DNAH8: variants seen among roughly 807,000 people sequenced by gnomAD.
DNAH8 encodes axonemal beta dynein heavy chain 8.
Under a neutral mutation model 562.1 loss-of-function variants are expected in DNAH8, and 382 were observed. The observed-to-expected ratio is 0.68, with a 90% CI of 0.63 to 0.74. The LOEUF (loss-of-function observed/expected upper bound fraction) is 0.74, where lower values mean the gene tolerates loss of function less well. Among genes scored for constraint, DNAH8 ranks in the 30% least tolerant of loss-of-function variants. The probability of loss-of-function intolerance (pLI) is 0.00; values close to 1 mark genes in which losing one functional copy is unlikely to be tolerated. For missense variants in DNAH8, 5,203 were observed against 5,620.4 expected, an observed-to-expected ratio of 0.93 and a Z score of 2.37; for synonymous variants, 1,881 against 1,919.4, an observed-to-expected ratio of 0.98 and a Z score of 0.52.
intron 58 of DNAH8, among the ~76,000 whole-genome samples, chr6:38,891,805 T>C (rs1779357876): frequency 6.6e-6 from 1 of 152,258 alleles, no homozygotes. Context: ...CTTGCAGCTG[T>C]CTTCCATCAG....
At chr6:38,798,824 C>T (rs1346496702) in intron 21 of DNAH8, among the ~76,000 whole-genome samples, 7 of 152,128 alleles carry the variant, frequency 4.6e-5, no homozygotes, top group Non-Finnish European at 1.0e-4. Context: ...GGGTGAGATA[C>T]CGCAGGAGTC....
chr6:38,881,560 T>TTC (rs1230327628), intron 53 of DNAH8, among the ~76,000 whole-genome samples: 4 of 151,472 alleles, frequency 2.6e-5, no homozygotes, highest in Non-Finnish European at 5.9e-5. Flanking sequence ...TTTTTTTTTT[T>TTC]TTTTTTTGAG....
intron 79 of DNAH8, among the ~76,000 whole-genome samples, chr6:38,940,027 G>A (rs1384134691): frequency 1.3e-5 from 2 of 152,224 alleles, no homozygotes; most frequent in African/African-American, 4.8e-5. Flanking sequence ...GTGACATACT[G>A]TGGAGAGCCT....
At chr6:38,994,218 A>G (rs1764983006) in intron 88 of DNAH8, among the ~76,000 whole-genome samples, 2 of 152,052 alleles carry the variant, frequency 1.3e-5, no homozygotes, top group Admixed American at 6.6e-5. Context: ...TTCCTTTCCA[A>G]TGGAGTTTTT....
intron 85 of DNAH8, among the ~76,000 whole-genome samples, chr6:38,976,069 C>T (rs527687009): frequency 2.7e-4 from 41 of 152,284 alleles, no homozygotes; most frequent in African/African-American, 8.9e-4. Flanking sequence ...ACTGCTAGGG[C>T]GGTGAAGTTA....
chr6:38,726,948 C>T (rs1227820768), intron 3 of DNAH8, among the ~76,000 whole-genome samples: 1 of 151,088 alleles, frequency 6.6e-6, no homozygotes, highest in Non-Finnish European at 1.5e-5. Context: ...ATCTCCACCT[C>T]CCAGGCTCAA....
At chr6:38,785,755 T>C (rs530953588) in intron 17 of DNAH8, among the ~76,000 whole-genome samples, 2 of 152,254 alleles carry the variant, frequency 1.3e-5, no homozygotes, top group South Asian at 2.1e-4. Context: ...TTAGGATAAG[T>C]GATTTCTAAT....
At chr6:38,723,585 A>G in intron 3 of DNAH8, 114 bp downstream of exon 3, 1 of 1,360,720 alleles carries the variant, frequency 7.3e-7, no homozygotes, top group South Asian at 1.4e-5. Context: ...TCAGAAAGAC[A>G]AAGTTGGGGC....
chr6:38,830,980 GAAAT>G (rs1773786223), intron 30 of DNAH8, among the ~76,000 whole-genome samples: 2 of 152,224 alleles, frequency 1.3e-5, no homozygotes, highest in South Asian at 4.1e-4. Context: ...TTTTTTGAAA[GAAAT>G]AAACTCATGT....
rs528408169 is a variant in DNAH8 at position 38,871,127 on chromosome 6, T to G, written c.6990+565T>G. On this transcript the variant is annotated intron_variant, in intron 49 of 92. Coordinates refer to ENST00000327475, the MANE Select transcript of DNAH8 (RefSeq NM_001206927.2). ...TAGCAGAGACACAGGATTAAATCTC[T>G]ATGAGCTTGATGCTTTGGGAATATT... is the stretch of plus-strand genomic sequence containing the variant. Among the ~76,000 whole-genome samples the G allele has an allele frequency of 1.2e-3, 184 of 152,374 alleles. 1 individual carries two copies. The highest frequency in any genetic ancestry group is 4.1e-3 in the African/African-American group (172 of 41,600).
At chr6:38,803,695 A>G (rs1770997742) in intron 22 of DNAH8, among the ~76,000 whole-genome samples, 3 of 151,876 alleles carry the variant, frequency 2.0e-5, no homozygotes. Flanking sequence ...TAAACCAGGA[A>G]AAGGTAAATT....
At chr6:38,972,904 G>T (rs1763438819) in intron 83 of DNAH8, among the ~76,000 whole-genome samples, 1 of 152,046 alleles carries the variant, frequency 6.6e-6, no homozygotes, top group Admixed American at 6.6e-5. Context: ...TAGTTAAGCC[G>T]GTGTGAGTTG....
At chr6:38,747,283 A>G (rs1220857450) in intron 8 of DNAH8, among the ~76,000 whole-genome samples, 2 of 152,156 alleles carry the variant, frequency 1.3e-5, no homozygotes, top group African/African-American at 4.8e-5. Flanking sequence ...GAGGGGAAGC[A>G]GGATATAAGG....
chr6:38,945,313 C>G (rs534488407), intron 79 of DNAH8, among the ~76,000 whole-genome samples, 154 bp from the exon 80 acceptor site: 130 of 152,120 alleles, frequency 8.5e-4, no homozygotes, highest in African/African-American at 3.1e-3. Context: ...AGGAAATGTA[C>G]CAAAAAACCC....
At chr6:38,896,578 A>AAAACAAACAAAC (rs376298695) in intron 60 of DNAH8, among the ~76,000 whole-genome samples, 1 of 151,232 alleles carries the variant, frequency 6.6e-6, no homozygotes, top group Admixed American at 6.6e-5. Context: ...CTGTCTCAAA[A>AAAACAAACAAAC]AAACAAACAA....
chr6:38,929,689 AAAAGAAAG>A (rs200696610), intron 75 of DNAH8, 23 bp downstream of exon 75: 16 of 1,497,370 alleles, frequency 1.1e-5, no homozygotes, highest in Admixed American at 7.0e-5. Context: ...AAAAAAAAAA[AAAAGAAAG>A]AAAGAAAGAA....
chr6:38,922,018 AAGGTAATGTCATC>A (rs1781748126), intron 71 of DNAH8, among the ~76,000 whole-genome samples: 1 of 149,066 alleles, frequency 6.7e-6, no homozygotes, highest in African/African-American at 2.4e-5. Flanking sequence ...GGAATTTCAC[AAGGTAATGTCATC>A]AGTTAAGGCA....
Position 38,807,722 on chromosome 6 carries a change from T to G in DNAH8, c.3257+6T>G. 1 of 1,470,886 alleles carries G rather than the reference T, an allele frequency of 6.8e-7. No individual in the cohort carries two copies. The highest frequency in any genetic ancestry group is 9.1e-7 in the Non-Finnish European group (1 of 1,096,138). The allele number at this position is 1,470,886 out of a possible 1,614,324, so 91.1% of individuals were successfully genotyped here. ...AGAAGAATATTTGTTGCAAGGCAAG[T>G]TGAAAATATGCTAATTATGTCTGGT... On this transcript the variant is annotated splice_donor_region_variant and intron_variant, in intron 24 of 92. Coordinates refer to ENST00000327475, the MANE Select transcript of DNAH8 (RefSeq NM_001206927.2).
At chr6:38,969,764 C>A (rs375920716) in intron 82 of DNAH8, among the ~76,000 whole-genome samples, 8 of 151,808 alleles carry the variant, frequency 5.3e-5, no homozygotes, top group East Asian at 3.9e-4. Context: ...TTGTGTAGGG[C>A]CTTATAGTCT....
Sources: gnomAD v4.1 joint callset for allele counts (sites outside exome capture counted in the v4.1 genomes callset) on GRCh38, gnomAD v4.1.1 for gene constraint, MANE v1.5 for transcripts, NCBI Gene and HGNC (gene_info 2026-07-23, HGNC 2026-07-21) for gene names.